Variants in HPCAL1 observed in about 807,000 individuals in gnomAD.
HPCAL1 encodes hippocalcin-like protein 1.
Under a neutral mutation model 17.1 loss-of-function variants are expected in HPCAL1, and 8 were observed. The observed-to-expected ratio is 0.47, with a 90% CI of 0.27 to 0.84. HPCAL1 has a LOEUF of 0.84. Among genes scored for constraint, HPCAL1 ranks in the 40% least tolerant of loss-of-function variants. The pLI, the probability that HPCAL1 is intolerant of heterozygous loss-of-function variation, is 0.13. For missense variants in HPCAL1, 165 were observed against 271.1 expected, an observed-to-expected ratio of 0.61 and a Z score of 2.75; for synonymous variants, 112 against 111.4, an observed-to-expected ratio of 1.01 and a Z score of -0.03.
intron 1 of HPCAL1, among the ~76,000 whole-genome samples, chr2:10,381,569 C>A (rs1250825690): frequency 2.6e-5 from 4 of 152,204 alleles, no homozygotes; most frequent in Admixed American, 2.6e-4. Context: ...CTTTATATCA[C>A]CTCCTGCCCA....
intron 1 of HPCAL1, among the ~76,000 whole-genome samples, chr2:10,371,621 C>T (rs1220394046): frequency 6.6e-6 from 1 of 152,140 alleles, no homozygotes; most frequent in African/African-American, 2.4e-5. Context: ...AACACTGTTG[C>T]CTTTGTTCCC....
intron 2 of HPCAL1, among the ~76,000 whole-genome samples, chr2:10,405,205 C>T (rs904156509): frequency 6.6e-6 from 1 of 152,216 alleles, no homozygotes; most frequent in Non-Finnish European, 1.5e-5. Context: ...GAGCCCCCAG[C>T]AGGGCCCCTG....
intron 1 of HPCAL1, among the ~76,000 whole-genome samples, chr2:10,352,593 C>T (rs1218575002): frequency 1.3e-5 from 2 of 152,244 alleles, no homozygotes. Context: ...CCTCTGCAGT[C>T]CCCTGGGGAC....
chr2:10,340,160 C>T (rs191199404), intron 1 of HPCAL1, among the ~76,000 whole-genome samples: 24 of 152,318 alleles, frequency 1.6e-4, no homozygotes, highest in Admixed American at 6.5e-4. Flanking sequence ...CACAACAAAG[C>T]GGAAGGAAGA....
chr2:10,365,468 C>G lies in HPCAL1; in HGVS notation c.-110-31367C>G, dbSNP rs930589594. The stretch of plus-strand genomic sequence containing the variant: ...TGCAGGAGTTGGAGGTAGAGCGGGT[C>G]GAAGGCTTGCGGAGGGACAGGTGGG... On this transcript the variant is annotated intron_variant, in intron 1 of 4. Coordinates refer to ENST00000307845, the MANE Select transcript of HPCAL1 (RefSeq NM_002149.4). The surrounding 1 kb of genome is among the most constrained non-coding windows in gnomAD (Gnocchi z 4.8). Among the ~76,000 whole-genome samples, 1 of 152,236 alleles carries G rather than the reference C, an allele frequency of 6.6e-6. No individual in the cohort carries two copies. Among genetic ancestry groups the G allele is most frequent in the Non-Finnish European group, 1.5e-5 (1 of 68,012 alleles).
chr2:10,311,344 G>C (rs1048227384), intron 1 of HPCAL1, among the ~76,000 whole-genome samples: 1 of 152,196 alleles, frequency 6.6e-6, no homozygotes, highest in Non-Finnish European at 1.5e-5. Context: ...AGTAAAGGTA[G>C]ACGCAGGGCT....
intron 1 of HPCAL1, among the ~76,000 whole-genome samples, chr2:10,336,989 GTGTT>G (rs1664762742): frequency 1.3e-5 from 2 of 152,196 alleles, no homozygotes; most frequent in African/African-American, 4.8e-5. Flanking sequence ...CTGGCCTCAA[GTGTT>G]CTTCCCACCG....
intron 1 of HPCAL1, chr2:10,303,840 T>G (rs1662432116): frequency 6.6e-6 from 1 of 152,256 alleles, no homozygotes; most frequent in East Asian, 1.9e-4. Flanking sequence ...CGGTCGCGGT[T>G]TGCTTCTCTT....
chr2:10,374,262 A>G (rs891900921), intron 1 of HPCAL1, among the ~76,000 whole-genome samples: 2 of 151,948 alleles, frequency 1.3e-5, no homozygotes, highest in Non-Finnish European at 2.9e-5. Context: ...TATTTTAATT[A>G]TAAGAGTGAT....
chr2:10,327,065 G>A (rs1181395302), intron 1 of HPCAL1, among the ~76,000 whole-genome samples: 1 of 152,138 alleles, frequency 6.6e-6, no homozygotes, highest in Non-Finnish European at 1.5e-5. Flanking sequence ...ACTTTCTTCT[G>A]TGGGTCCTAC....
rs576931077 is a variant in HPCAL1, at chr2:10,402,279, C to T, written c.-25+5359C>T. Among the ~76,000 whole-genome samples, 58 of 152,302 alleles carry T rather than the reference C, an allele frequency of 3.8e-4. 2 individuals are homozygous for T. The highest frequency in any genetic ancestry group is 1.0e-3 in the African/African-American group (43 of 41,566). On this transcript the variant is annotated intron_variant, in intron 2 of 4. Coordinates refer to ENST00000307845, the MANE Select transcript of HPCAL1 (RefSeq NM_002149.4). ...GACCAGACTGGAAGCGCTCTGAGGG[C>T]GTTTTACACTTCGGTGTCTTCCCAG...
chr2:10,314,174 GCATCTTAGCAACTGC>G (rs1054048998), intron 1 of HPCAL1, among the ~76,000 whole-genome samples: 4 of 151,842 alleles, frequency 2.6e-5, no homozygotes, highest in Non-Finnish European at 4.4e-5. Context: ...TAATATGCAG[GCATCTTAGCAACTGC>G]CATCTTAGCA....
intron 1 of HPCAL1, among the ~76,000 whole-genome samples, chr2:10,328,141 T>G (rs1664132884): frequency 6.6e-6 from 1 of 152,204 alleles, no homozygotes; most frequent in Non-Finnish European, 1.5e-5. Flanking sequence ...GTGGTCTCCT[T>G]TGTATCCCCA....
intron 2 of HPCAL1, among the ~76,000 whole-genome samples, chr2:10,403,497 T>A (rs1669770784): frequency 6.7e-6 from 1 of 148,278 alleles, no homozygotes; most frequent in Non-Finnish European, 1.5e-5. Flanking sequence ...TGTGTGTGTG[T>A]GTGTGTGACG....
intron 2 of HPCAL1, among the ~76,000 whole-genome samples, chr2:10,405,335 G>A (rs1424258257): frequency 6.6e-5 from 10 of 152,234 alleles, no homozygotes; most frequent in East Asian, 3.9e-4. Context: ...GGTCTGGAGC[G>A]TTGACACTGG....
intron 2 of HPCAL1, among the ~76,000 whole-genome samples, chr2:10,399,829 C>T (rs1371169631): frequency 6.6e-6 from 1 of 152,108 alleles, no homozygotes; most frequent in Non-Finnish European, 1.5e-5. Context: ...TCTCCACGTC[C>T]CCAGACACTC....
rs189052213 is a variant in HPCAL1 at position 10,338,270 on chromosome 2, G to A, written c.-111+35093G>A. Among the ~76,000 whole-genome samples the A allele has an allele frequency of 3.3e-5, 5 of 152,178 alleles. No homozygotes were observed. In the East Asian group the frequency reaches 9.7e-4, roughly 29 times the overall value. ...GAATTAGATAGTGGTGGTGGCTGTA[G>A]GACCTGGTGAATAATAAACTGAAAA... On this transcript the variant is annotated intron_variant, in intron 1 of 4. Transcript: ENST00000307845.
chr2:10,391,869 C>G (rs1668714514), intron 1 of HPCAL1, among the ~76,000 whole-genome samples: 1 of 152,234 alleles, frequency 6.6e-6, no homozygotes, highest in South Asian at 2.1e-4. Flanking sequence ...CTGCCTCAGC[C>G]TCCGGAGTAG....
chr2:10,387,095 G>A (rs1345634317), intron 1 of HPCAL1, among the ~76,000 whole-genome samples: 2 of 152,242 alleles, frequency 1.3e-5, no homozygotes, highest in African/African-American at 2.4e-5. Flanking sequence ...TGGGGGGATG[G>A]TCTGTACCTG....
Sources: allele counts gnomAD v4.1 joint callset (sites outside exome capture counted in the v4.1 genomes callset), GRCh38; gene constraint gnomAD v4.1.1; non-coding constraint Gnocchi (gnomAD v3.1); transcripts MANE v1.5; gene names NCBI Gene and HGNC (gene_info 2026-07-23, HGNC 2026-07-21).